The following GPC5 variants were observed in gnomAD, a reference collection of about 807,000 sequenced individuals.
The protein encoded by GPC5 is glypican-5.
Under a neutral mutation model 53.9 loss-of-function variants are expected in GPC5, and 47 were observed. The ratio of observed to expected loss-of-function variants is 0.87; its 90% CI spans 0.69 to 1.11. The LOEUF is 1.11. Ranked by LOEUF, GPC5 falls within the 50% of genes most tolerant of loss-of-function variation. The probability of loss-of-function intolerance (pLI) is 0.00; values close to 1 mark genes in which losing one functional copy is unlikely to be tolerated. For missense variants in GPC5, 748 were observed against 713.1 expected, an observed-to-expected ratio of 1.05 and a Z score of -0.56; for synonymous variants, 286 against 263.3, an observed-to-expected ratio of 1.09 and a Z score of -0.84.
chr13:91,863,070 C>G (rs965195332), intron 5 of GPC5, among the ~76,000 whole-genome samples: 1 of 149,528 alleles, frequency 6.7e-6, no homozygotes, highest in Admixed American at 6.8e-5. Context: ...TTCTCCTTTC[C>G]TCTTTCCCTT....
intron 5 of GPC5, among the ~76,000 whole-genome samples, chr13:91,879,803 T>C (rs2039244726): frequency 1.3e-5 from 2 of 152,340 alleles, no homozygotes; most frequent in Non-Finnish European, 2.9e-5. Flanking sequence ...TATATTAATA[T>C]ATATTTCCTG....
chr13:92,685,166 A>G (rs1887224598), intron 7 of GPC5, among the ~76,000 whole-genome samples: 1 of 151,972 alleles, frequency 6.6e-6, no homozygotes, highest in Non-Finnish European at 1.5e-5. Flanking sequence ...TCTCAGCTCA[A>G]CTGCAACCTC....
At chr13:92,612,733 A>G (rs1400432608) in intron 7 of GPC5, among the ~76,000 whole-genome samples, 1 of 152,112 alleles carries the variant, frequency 6.6e-6, no homozygotes, top group African/African-American at 2.4e-5. Flanking sequence ...TAATAAGTGA[A>G]AAAACAATAT....
At chr13:91,820,813 A>T (rs2038481017) in intron 5 of GPC5, among the ~76,000 whole-genome samples, 2 of 152,026 alleles carry the variant, frequency 1.3e-5, no homozygotes, top group South Asian at 4.1e-4. Context: ...AATACAAAAA[A>T]TTAGCCGGGC....
chr13:92,265,695 C>T (rs574202392), intron 7 of GPC5, among the ~76,000 whole-genome samples: 2 of 152,266 alleles, frequency 1.3e-5, no homozygotes, highest in South Asian at 4.1e-4. Flanking sequence ...TCAGTCTCTG[C>T]CCATTACCCA....
chr13:92,631,241 T>C (rs910482394), intron 7 of GPC5, among the ~76,000 whole-genome samples: 3 of 152,160 alleles, frequency 2.0e-5, no homozygotes, highest in Non-Finnish European at 4.4e-5. Flanking sequence ...ATTGTCACTT[T>C]TGATTTGTGC....
chr13:92,298,725 G>A (rs1594081272), intron 7 of GPC5, among the ~76,000 whole-genome samples: 1 of 152,024 alleles, frequency 6.6e-6, no homozygotes, highest in African/African-American at 2.4e-5. Flanking sequence ...GGGGTGTGTG[G>A]GTCGTCTCAG....
chr13:91,955,374 G>A (rs2040063601), intron 6 of GPC5, among the ~76,000 whole-genome samples: 1 of 152,186 alleles, frequency 6.6e-6, no homozygotes. Flanking sequence ...TGGCTGACTA[G>A]ATTAACCTGG....
At chr13:91,656,665 G>A (rs2034852879) in intron 2 of GPC5, among the ~76,000 whole-genome samples, 1 of 152,150 alleles carries the variant, frequency 6.6e-6, no homozygotes, top group Non-Finnish European at 1.5e-5. Context: ...CAAAACTTCT[G>A]TTAAGGCATT....
intron 7 of GPC5, among the ~76,000 whole-genome samples, chr13:92,230,259 A>G (rs575121083): frequency 1.3e-5 from 2 of 152,156 alleles, no homozygotes; most frequent in Non-Finnish European, 2.9e-5. Flanking sequence ...TTACAATAAA[A>G]TATAGCAACC....
chr13:92,364,167 G>T (rs1420887686), intron 7 of GPC5, among the ~76,000 whole-genome samples: 1 of 151,724 alleles, frequency 6.6e-6, no homozygotes, highest in Non-Finnish European at 1.5e-5. Context: ...AGTCTGCAAA[G>T]ATACCCTACA....
intron 5 of GPC5, among the ~76,000 whole-genome samples, chr13:91,907,527 T>C (rs1178312996): frequency 1.2e-5 from 1 of 85,074 alleles, no homozygotes; most frequent in African/African-American, 5.3e-5. Flanking sequence ...ATATATATAG[T>C]ATATATGTAG....
intron 7 of GPC5, among the ~76,000 whole-genome samples, chr13:92,844,561 C>T (rs572054650): frequency 6.1e-5 from 9 of 147,782 alleles, no homozygotes; most frequent in East Asian, 2.3e-4. Context: ...TGTGTGTATA[C>T]GTGTGTCCCT....
intron 5 of GPC5, among the ~76,000 whole-genome samples, chr13:91,799,233 G>A (rs9556119): frequency 0.03 from 4,549 of 152,190 alleles, 270 homozygotes; most frequent in East Asian, 0.22. Context: ...AGGCAAGAAC[G>A]GAAAATCAAA....
intron 2 of GPC5, among the ~76,000 whole-genome samples, chr13:91,671,725 T>A: frequency 6.8e-6 from 1 of 146,516 alleles, no homozygotes; most frequent in East Asian, 2.0e-4. Context: ...AGAAAAAATA[T>A]TTTAAATTTT....
At chr13:91,860,513 TTTTC>T (rs2039015690) in intron 5 of GPC5, among the ~76,000 whole-genome samples, 1 of 149,018 alleles carries the variant, frequency 6.7e-6, no homozygotes, top group Admixed American at 6.8e-5. Context: ...TCTTTCTTCT[TTTTC>T]TTTATTTCTT....
intron 7 of GPC5, among the ~76,000 whole-genome samples, chr13:92,809,054 T>G (rs1478009802): frequency 6.6e-6 from 1 of 152,130 alleles, no homozygotes; most frequent in Non-Finnish European, 1.5e-5. Context: ...GTTTGGGGAC[T>G]AGTTTTGCTA....
chr13:92,473,469 G>T (rs1878986163), intron 7 of GPC5, among the ~76,000 whole-genome samples: 1 of 152,118 alleles, frequency 6.6e-6, no homozygotes, highest in Admixed American at 6.6e-5. Flanking sequence ...ATGGTCTGGT[G>T]TGCTGACCAA....
At chr13:91,798,252 C>T (rs1055821870) in intron 5 of GPC5, among the ~76,000 whole-genome samples, 16 of 152,150 alleles carry the variant, frequency 1.1e-4, no homozygotes, top group Non-Finnish European at 1.9e-4. Context: ...TAAACGTGTG[C>T]CATGGTGGTT....
Sources: allele counts gnomAD v4.1 joint callset (sites outside exome capture counted in the v4.1 genomes callset), GRCh38; gene constraint gnomAD v4.1.1; transcripts MANE v1.5; gene names NCBI Gene and HGNC (gene_info 2026-07-23, HGNC 2026-07-21).